Variants in PLCG2 observed in about 807,000 individuals in gnomAD.
The protein encoded by PLCG2 is phospholipase C gamma 2, also known as 1-phosphatidylinositol 4,5-bisphosphate phosphodiesterase gamma-2.
Under a neutral mutation model 175.6 loss-of-function variants are expected in PLCG2, and 69 were observed. The observed-to-expected ratio is 0.39, with a 90% CI of 0.32 to 0.48. The LOEUF (loss-of-function observed/expected upper bound fraction) is 0.48, where lower values mean the gene tolerates loss of function less well. Among genes scored for constraint, PLCG2 ranks in the 20% least tolerant of loss-of-function variants. The pLI is 0.91. For synonymous variants in PLCG2, 827 were observed against 624.0 expected (o/e 1.33, Z -4.85); for missense variants, 1,798 against 1,650.9 (o/e 1.09, Z -1.54).
chr16:81,756,575 G>C (rs772570220), intron 2 of PLCG2, among the ~76,000 whole-genome samples: 1 of 152,138 alleles, frequency 6.6e-6, no homozygotes, highest in Non-Finnish European at 1.5e-5. Context: ...AGTGTCTCAG[G>C]ACAGGGGAGG....
chr16:81,960,175 C>G lies in PLCG2; in HGVS notation c.*2177C>G. 4.5e-6 allele frequency: 1 copy of G among 220,544 alleles called. No homozygotes were observed. The highest frequency in any genetic ancestry group is 9.1e-6 in the Non-Finnish European group (1 of 110,144). The allele number at this position is 220,544 out of a possible 1,614,324, so 13.7% of individuals were successfully genotyped here. A position where few individuals can be genotyped will look rare whatever the true frequency, so the allele number is the denominator to read the frequency against. ...CTTTCTTCGGTTCTTTCCTCCTGTCCTTGACAGAGTAACACGTTAATCTGG... is the reference window on the plus strand; with the variant it reads ...CTTTCTTCGGTTCTTTCCTCCTGTCGTTGACAGAGTAACACGTTAATCTGG... On this transcript the variant is annotated 3_prime_UTR_variant, in exon 33 of 33. Transcript: ENST00000564138.
chr16:81,805,681 A>G (rs1567473439), intron 2 of PLCG2, among the ~76,000 whole-genome samples: 1 of 151,240 alleles, frequency 6.6e-6, no homozygotes, highest in Non-Finnish European at 1.5e-5. Context: ...TGCAGTAGCC[A>G]AAGCTGGCTG....
intron 2 of PLCG2, among the ~76,000 whole-genome samples, chr16:81,761,324 C>T (rs961701460): frequency 4.6e-5 from 7 of 151,998 alleles, no homozygotes; most frequent in African/African-American, 1.7e-4. Flanking sequence ...ATGGTCAAGC[C>T]GCTACACTCC....
chr16:81,740,749 A>AAC (rs1909574057), intron 1 of PLCG2, among the ~76,000 whole-genome samples: 3 of 148,254 alleles, frequency 2.0e-5, no homozygotes, highest in African/African-American at 7.4e-5. Context: ...AAAAAAAAAA[A>AAC]AAAAAAAAAA....
In PLCG2 at chr16:81,893,670, C is replaced by T. The variant is rs201749224; in HGVS notation, c.987-39C>T. On this transcript the variant is annotated intron_variant, in intron 11 of 32. Coordinates refer to ENST00000564138, the MANE Select transcript of PLCG2 (RefSeq NM_002661.5). ...CAGGCTTGCCCCCCAACCCCTGTGG[C>T]TGCCACTCTCACACGGCCACCTGCC... 8.6e-4 allele frequency: 1,111 copies of T among 1,297,252 alleles called. 9 individuals carry two copies. The African/African-American group carries it at 0.014, about 17-fold the overall frequency. The allele number at this position is 1,297,252 out of a possible 1,614,324, so 80.4% of individuals were successfully genotyped here.
At chr16:81,811,857 T>A (rs1039310104) in intron 2 of PLCG2, among the ~76,000 whole-genome samples, 3 of 152,178 alleles carry the variant, frequency 2.0e-5, no homozygotes, top group Non-Finnish European at 4.4e-5. Context: ...TATAGTAGAA[T>A]GATTTACAAT....
In PLCG2 at chr16:81,869,141, C is replaced by G. The variant is rs41301799; in HGVS notation, c.480-73C>G. 0.078 allele frequency: 86,605 copies of G among 1,117,302 alleles called. 3,603 individuals are homozygous for G. The highest frequency in any genetic ancestry group is 0.14 in the Middle Eastern group (733 of 5,076). The allele number at this position is 1,117,302 out of a possible 1,614,324, so 69.2% of individuals were successfully genotyped here. Reference sequence around the variant, plus strand: ...CATAGAGGGCTGCCTGAGGTGGGAACTGATGGGAGCAGCTAAATCCTGTGC... The same window carrying G: ...CATAGAGGGCTGCCTGAGGTGGGAAGTGATGGGAGCAGCTAAATCCTGTGC... On this transcript the variant is annotated intron_variant, in intron 5 of 32. Coordinates refer to ENST00000564138, the MANE Select transcript of PLCG2 (RefSeq NM_002661.5).
upstream of PLCG2, among the ~76,000 whole-genome samples, chr16:81,777,309 C>G (rs1910433879): frequency 6.6e-6 from 1 of 152,046 alleles, no homozygotes. Flanking sequence ...ACTCCCCTAT[C>G]CATGTAGACT....
chr16:81,900,829 C>G, intron 14 of PLCG2, 49 bp downstream of exon 14: 1 of 1,538,938 alleles, frequency 6.5e-7, no homozygotes, highest in Non-Finnish European at 8.9e-7. Context: ...CCCAGTGGCT[C>G]GGTTCCCCGG....
At chr16:81,841,836 C>G (rs1461580345) in intron 2 of PLCG2, among the ~76,000 whole-genome samples, 6 of 152,196 alleles carry the variant, frequency 3.9e-5, no homozygotes, top group Admixed American at 3.9e-4. Context: ...GTGAAGTAAC[C>G]TAACACCTTT....
chr16:81,926,521 A>G (rs144769851), intron 22 of PLCG2, among the ~76,000 whole-genome samples: 12 of 152,326 alleles, frequency 7.9e-5, no homozygotes, highest in Non-Finnish European at 1.5e-4. Context: ...TAGCTGAATA[A>G]TAATAAGAGC....
chr16:81,755,453 A>G lies in PLCG2; in HGVS notation c.-144-417A>G, dbSNP rs1357184366. Among the ~76,000 whole-genome samples the G allele has an allele frequency of 2.0e-5, 3 of 148,834 alleles. No individual in the cohort carries two copies. In the South Asian group the frequency reaches 6.4e-4, roughly 32 times the overall value. Reference sequence around the variant, plus strand: ...ACTTCTGAGCTCTAGTGATCTGCCCACCTCGGCCTCCCAAAGTGCTGGGAT... The same window carrying G: ...ACTTCTGAGCTCTAGTGATCTGCCCGCCTCGGCCTCCCAAAGTGCTGGGAT... On this transcript the variant is annotated intron_variant, in intron 1 of 5. Transcript: ENST00000565054.
chr16:81,794,490 G>A (rs1396306354), intron 2 of PLCG2, among the ~76,000 whole-genome samples: 1 of 152,132 alleles, frequency 6.6e-6, no homozygotes, highest in African/African-American at 2.4e-5. Flanking sequence ...AAATGTATTT[G>A]CCTTTCAGTT....
intron 19 of PLCG2, among the ~76,000 whole-genome samples, chr16:81,916,794 T>C (rs1247296286): frequency 6.6e-6 from 1 of 152,112 alleles, no homozygotes; most frequent in African/African-American, 2.4e-5. Context: ...TGCACCACCA[T>C]GCCTGGCTAA....
intron 7 of PLCG2, among the ~76,000 whole-genome samples, chr16:81,876,016 CT>C (rs547152035): frequency 1.4e-3 from 157 of 114,994 alleles, no homozygotes; most frequent in East Asian, 4.1e-3. Flanking sequence ...CTTTTTCTTT[CT>C]TTTTTTTTTT....
At chr16:81,886,165 T>TG in intron 9 of PLCG2, among the ~76,000 whole-genome samples, 1 of 152,318 alleles carries the variant, frequency 6.6e-6, no homozygotes, top group East Asian at 1.9e-4. Flanking sequence ...GTAGGGAGAC[T>TG]GGGGCGTGTA....
At chr16:81,861,055 AC>A (rs1906955643) in intron 5 of PLCG2, among the ~76,000 whole-genome samples, 1 of 152,028 alleles carries the variant, frequency 6.6e-6, no homozygotes, top group Admixed American at 6.6e-5. Context: ...AAAAACCAAA[AC>A]CAAAACCAAA....
chr16:81,874,971 T>A (rs918842205), intron 7 of PLCG2, among the ~76,000 whole-genome samples: 1 of 145,712 alleles, frequency 6.9e-6, no homozygotes, highest in South Asian at 2.2e-4. Context: ...TTTTTTTTTT[T>A]TTTTTTATTT....
At chr16:81,882,707 G>A (rs1249889762) in intron 8 of PLCG2, among the ~76,000 whole-genome samples, 6 of 151,378 alleles carry the variant, frequency 4.0e-5, no homozygotes, top group African/African-American at 7.3e-5. Flanking sequence ...TTCCTTGCCA[G>A]GTACTCTCTG....
Sources: allele counts gnomAD v4.1 joint callset (sites outside exome capture counted in the v4.1 genomes callset), GRCh38; gene constraint gnomAD v4.1.1; transcripts MANE v1.5; gene names NCBI Gene and HGNC (gene_info 2026-07-23, HGNC 2026-07-21).